The following BLOC1S5 variants were observed in gnomAD, a reference collection of about 807,000 sequenced individuals.
BLOC1S5 encodes biogenesis of lysosomal organelles complex 1 subunit 5, also known as biogenesis of lysosome-related organelles complex 1 subunit 5.
A neutral mutation model predicts 24.3 loss-of-function variants in BLOC1S5; 27 were observed. That is an observed-to-expected ratio of 1.11 (90% CI 0.82 to 1.53). BLOC1S5 has a LOEUF of 1.53. Ranked by LOEUF, BLOC1S5 falls within the 40% of genes most tolerant of loss-of-function variation. The pLI is 0.00. For synonymous variants in BLOC1S5, 84 were observed against 74.5 expected (o/e 1.13, Z -0.66); for missense variants, 239 against 229.4 (o/e 1.04, Z -0.27).
intron 2 of BLOC1S5, among the ~76,000 whole-genome samples, chr6:8,047,007 C>G (rs1223677289): frequency 1.3e-5 from 2 of 152,026 alleles, no homozygotes; most frequent in Non-Finnish European, 2.9e-5. Context: ...TGGCCTCAAA[C>G]TCCTGAGCTC....
At position 8,015,656 on chromosome 6, in the gene BLOC1S5, G is replaced by T. The variant is rs1322117509; in HGVS notation, c.557C>A (p.Thr186Asn). The change falls in exon 5 of 5, where the codon ACC (threonine) becomes AAC (asparagine). Residue 186 changes from threonine (T) to asparagine (N), a missense_variant. Thr to Asn is a moderately conservative substitution (Grantham distance 65). Transcript: ENST00000397457. ...EMEKDLAKFS[T>N]F ...TTGTTGTGGTTCAAGTTCTTAAAAG[G>T]TTGAAAATTTCGCTAGGTCCTTCTC... The T allele has an allele frequency of 1.9e-6, 3 of 1,610,046 alleles. No individual in the cohort carries two copies. Among genetic ancestry groups the T allele is most frequent in the Admixed American group, 3.4e-5 (2 of 59,070 alleles).
At chr6:8,039,705 T>C (rs1258640151) in intron 3 of BLOC1S5, among the ~76,000 whole-genome samples, 1 of 152,056 alleles carries the variant, frequency 6.6e-6, no homozygotes, top group Non-Finnish European at 1.5e-5. Context: ...TTCATTTCAA[T>C]GAACAAATTA....
intron 4 of BLOC1S5, 60 bp from the exon 5 acceptor site, chr6:8,015,888 A>C: frequency 6.9e-7 from 1 of 1,441,780 alleles, no homozygotes; most frequent in African/African-American, 1.4e-5. Flanking sequence ...TCATAACGTT[A>C]TCTCTTGATA....
chr6:8,057,243 A>C (rs989726580), intron 2 of BLOC1S5, among the ~76,000 whole-genome samples: 2 of 151,622 alleles, frequency 1.3e-5, no homozygotes, highest in Non-Finnish European at 2.9e-5. Flanking sequence ...GAAAAAAAGA[A>C]AAGACAAAAA....
chr6:8,059,235 A>G (rs1463671052), intron 2 of BLOC1S5, among the ~76,000 whole-genome samples: 2 of 152,244 alleles, frequency 1.3e-5, no homozygotes, highest in African/African-American at 4.8e-5. Context: ...GAGTTTGTAT[A>G]AAGTCAGGAG....
At chr6:8,047,089 A>G (rs985951922) in intron 2 of BLOC1S5, among the ~76,000 whole-genome samples, 3 of 151,848 alleles carry the variant, frequency 2.0e-5, no homozygotes, top group African/African-American at 7.3e-5. Context: ...TGATCTCAAC[A>G]TATATTAATA....
At position 8,014,715 on chromosome 6, in the gene BLOC1S5, T is replaced by C. The variant is rs1205010145; in HGVS notation, c.*934A>G. 1 of 152,230 alleles carries C rather than the reference T, an allele frequency of 6.6e-6. No homozygotes were observed. Among genetic ancestry groups the C allele is most frequent in the African/African-American group, 2.4e-5 (1 of 41,462 alleles). 9.4% of individuals were successfully genotyped at this position (152,230 alleles called of 1,614,324 possible). On this transcript the variant is annotated 3_prime_UTR_variant, in exon 5 of 5. Transcript: ENST00000397457. Reference sequence around the variant, plus strand: ...CATTTAACATGGACCATTTGCTGTGTGGGCAAACACTTCTGGTTCATTCAA... The same window carrying C: ...CATTTAACATGGACCATTTGCTGTGCGGGCAAACACTTCTGGTTCATTCAA...
At chr6:8,017,071 G>A (rs1762767134) in intron 4 of BLOC1S5, among the ~76,000 whole-genome samples, 2 of 152,002 alleles carry the variant, frequency 1.3e-5, no homozygotes, top group African/African-American at 4.8e-5. Flanking sequence ...AATAAAAAAG[G>A]TATGAATTTA....
intron 2 of BLOC1S5, among the ~76,000 whole-genome samples, chr6:8,057,798 TTTTC>T (rs1191137252): frequency 6.6e-6 from 1 of 152,206 alleles, no homozygotes; most frequent in East Asian, 1.9e-4. Context: ...TATTAAATAC[TTTTC>T]TTTTTGTCTC....
At chr6:8,040,518 A>G (rs998695561) in intron 3 of BLOC1S5, among the ~76,000 whole-genome samples, 2 of 152,214 alleles carry the variant, frequency 1.3e-5, no homozygotes, top group African/African-American at 4.8e-5. Flanking sequence ...CATACTATAA[A>G]CTTTGAAAAG....
At chr6:8,037,970 C>A (rs1763543625) in intron 3 of BLOC1S5, among the ~76,000 whole-genome samples, 1 of 152,104 alleles carries the variant, frequency 6.6e-6, no homozygotes, top group African/African-American at 2.4e-5. Context: ...TGAAACTAAA[C>A]CTCTGTCTCT....
At chr6:8,026,521 T>C in intron 3 of BLOC1S5, 96 bp from the exon 4 acceptor site, 12 of 973,066 alleles carry the variant, frequency 1.2e-5, no homozygotes, top group Non-Finnish European at 1.7e-5. Context: ...CATGAATTGT[T>C]TTAGATCTCA....
rs1762685791 is a variant in BLOC1S5 at position 8,014,966 on chromosome 6, G to C, written c.*683C>G. 6.6e-6 allele frequency: 1 copy of C among 152,662 alleles called. No individual in the cohort carries two copies. The highest frequency in any genetic ancestry group is 1.5e-5 in the Non-Finnish European group (1 of 68,030). The allele number at this position is 152,662 out of a possible 1,614,324, so 9.5% of individuals were successfully genotyped here. A position where few individuals can be genotyped will look rare whatever the true frequency, so the allele number is the denominator to read the frequency against. On this transcript the variant is annotated 3_prime_UTR_variant, in exon 5 of 5. Coordinates refer to ENST00000397457, the MANE Select transcript of BLOC1S5 (RefSeq NM_201280.3). Reference sequence around the variant, plus strand: ...TTTCCTTCTAAGCATGCTTTAAAAAGCTGAAAATAGTAAGTGCTGGAAGGC... The same window carrying C: ...TTTCCTTCTAAGCATGCTTTAAAAACCTGAAAATAGTAAGTGCTGGAAGGC...
intron 2 of BLOC1S5, 44 bp from the exon 3 acceptor site, chr6:8,041,312 C>CTT (rs55949249): frequency 0.093 from 97,148 of 1,045,998 alleles, 129 homozygotes; most frequent in East Asian, 0.19. Flanking sequence ...GTGTCTTTTC[C>CTT]TTTTTTTTTT....
chr6:8,025,325 C>T (rs1323752445), intron 4 of BLOC1S5, among the ~76,000 whole-genome samples: 2 of 151,814 alleles, frequency 1.3e-5, no homozygotes, highest in African/African-American at 4.9e-5. Context: ...GGTCCACTTA[C>T]GTCCCCAGCC....
upstream of BLOC1S5, chr6:8,064,409 G>A (rs1296561534): frequency 2.3e-5 from 37 of 1,576,454 alleles, no homozygotes; most frequent in Non-Finnish European, 3.1e-5. Flanking sequence ...CGGCCACGCT[G>A]CGCCTGCGCA....
intron 4 of BLOC1S5, among the ~76,000 whole-genome samples, chr6:8,016,921 T>C (rs539433926): frequency 6.7e-6 from 1 of 150,276 alleles, no homozygotes; most frequent in Non-Finnish European, 1.5e-5. Context: ...TCAGTTCTAG[T>C]CCTTAAAGCA....
intron 3 of BLOC1S5, among the ~76,000 whole-genome samples, chr6:8,030,461 TTAAAA>T (rs1763260033): frequency 6.6e-6 from 1 of 151,498 alleles, no homozygotes; most frequent in African/African-American, 2.4e-5. Context: ...CCTGGCCAGA[TTAAAA>T]TAATTTTTAA....
chr6:8,062,966 T>C (rs999300294), intron 1 of BLOC1S5, among the ~76,000 whole-genome samples: 4 of 152,090 alleles, frequency 2.6e-5, no homozygotes, highest in African/African-American at 9.7e-5. Context: ...ACCATACTCA[T>C]ACAATGGAAT....
Sources: allele counts gnomAD v4.1 joint callset (sites outside exome capture counted in the v4.1 genomes callset), GRCh38; gene constraint gnomAD v4.1.1; transcripts MANE v1.5; gene names NCBI Gene and HGNC (gene_info 2026-07-23, HGNC 2026-07-21).